The following NDUFA12 variants were observed in gnomAD, a reference collection of about 807,000 sequenced individuals.
NDUFA12 encodes the protein NADH dehydrogenase [ubiquinone] 1 alpha subcomplex subunit 12.
A neutral mutation model predicts 20.3 loss-of-function variants in NDUFA12; 17 were observed. The observed-to-expected ratio is 0.84, with a 90% CI of 0.57 to 1.26. The LOEUF is 1.26. Among genes scored for constraint, NDUFA12 ranks in the 50% most tolerant of loss-of-function variants. The pLI is 0.00. For missense variants in NDUFA12, 191 were observed against 183.7 expected, an observed-to-expected ratio of 1.04 and a Z score of -0.23; for synonymous variants, 72 against 63.6, an observed-to-expected ratio of 1.13 and a Z score of -0.63.
At position 94,979,392 on chromosome 12, in the gene NDUFA12, A is replaced by G. The variant is rs563833852; in HGVS notation, c.258-7772T>C. 2.0e-5 allele frequency among the ~76,000 whole-genome samples: 3 copies of G among 152,348 alleles called. No individual in the cohort carries two copies. In the South Asian group the frequency reaches 6.2e-4, roughly 32 times the overall value. On this transcript the variant is annotated intron_variant, in intron 3 of 3. Transcript: ENST00000327772. Reference sequence around the variant, plus strand: ...AATTCTCCAGATTTCCAAATTTTCTATAGCAATTGTATATTCTTATAATCA... The same window carrying G: ...AATTCTCCAGATTTCCAAATTTTCTGTAGCAATTGTATATTCTTATAATCA...
chr12:94,971,588 G>A lies in NDUFA12; in HGVS notation c.290C>T (p.Pro97Leu), dbSNP rs145916701. 1.9e-6 allele frequency: 3 copies of A among 1,613,998 alleles called. No individual in the cohort carries two copies. The highest frequency in any genetic ancestry group is 2.7e-5 in the African/African-American group (2 of 74,892). Residue 97 changes from proline to leucine, a missense_variant, in exon 4 of 4, where the codon CCT (proline) becomes CTT (leucine). By Grantham distance (98) the Pro-to-Leu change is moderately conservative. Transcript: ENST00000327772. ...HRWLHSMTDDPPTTKPLTARK... is the reference protein window; with the variant it reads ...HRWLHSMTDDLPTTKPLTARK... ...AGCAGTAAGTGGTTTTGTTGTTGGA[G>A]GATCATCAGTCATACTGTGAAGCCA... is the stretch of plus-strand genomic sequence containing the variant.
chr12:94,987,408 G>C (rs1874480868), intron 3 of NDUFA12, among the ~76,000 whole-genome samples: 1 of 152,142 alleles, frequency 6.6e-6, no homozygotes, highest in Non-Finnish European at 1.5e-5. Context: ...GACACTGTTG[G>C]GACAACTGAC....
chr12:94,973,758 A>G (rs190088598), intron 3 of NDUFA12, among the ~76,000 whole-genome samples: 1 of 152,274 alleles, frequency 6.6e-6, no homozygotes, highest in African/African-American at 2.4e-5. Context: ...TTATCCTAGC[A>G]AGCCTACATG....
chr12:94,994,096 C>A, intron 3 of NDUFA12, 74 bp downstream of exon 3: 1 of 1,350,522 alleles, frequency 7.4e-7, no homozygotes. Context: ...TGCACTCCAG[C>A]CTGGGTGACA....
At chr12:94,985,160 A>T (rs192161552) in intron 3 of NDUFA12, among the ~76,000 whole-genome samples, 2 of 151,970 alleles carry the variant, frequency 1.3e-5, no homozygotes, top group Admixed American at 1.3e-4. Flanking sequence ...GTGTTTTTAT[A>T]AAAAAAATTT....
rs1401758723 is a variant in NDUFA12, at chr12:94,978,668, T to C, written c.258-7048A>G. Among the ~76,000 whole-genome samples the C allele has an allele frequency of 6.6e-5, 10 of 152,190 alleles. 1 individual carries two copies. Among genetic ancestry groups the C allele is most frequent in the Admixed American group, 3.9e-4 (6 of 15,282 alleles). ...ACAATGTAATCCTTTCCATTAGAGTTTACCGAACATTCATCAAAGAACAAG... is the reference window on the plus strand; with the variant it reads ...ACAATGTAATCCTTTCCATTAGAGTCTACCGAACATTCATCAAAGAACAAG... On this transcript the variant is annotated intron_variant, in intron 3 of 3. Transcript: ENST00000327772.
In NDUFA12 at chr12:94,971,557, T is replaced by C; in HGVS notation, c.321A>G (p.Lys107=). 6.2e-7 allele frequency: 1 copy of C among 1,614,200 alleles called. No homozygotes were observed. Among genetic ancestry groups the C allele is most frequent in the Non-Finnish European group, 8.5e-7 (1 of 1,180,030 alleles). Residue 107 remains lysine (K), a synonymous_variant, in exon 4 of 4, where the codon AAA becomes AAG. Transcript: ENST00000327772. ...TGAATTTATGGTTCGTCCAAATGAA[T>C]TTACGAGCAGTAAGTGGTTTTGTTG... ...PPTTKPLTAR[K]FIWTNHKFNV...
chr12:94,982,688 C>T (rs933897), intron 3 of NDUFA12, among the ~76,000 whole-genome samples: 70,345 of 151,934 alleles, frequency 0.46, 17,109 homozygotes, highest in African/African-American at 0.6. Context: ...CCAGAGCCAA[C>T]GTCTCTAGTA....
intron 2 of NDUFA12, among the ~76,000 whole-genome samples, chr12:94,999,598 C>G (rs1012345725): frequency 1.3e-5 from 2 of 152,070 alleles, no homozygotes; most frequent in Non-Finnish European, 2.9e-5. Flanking sequence ...GACTAATATC[C>G]AGAAACTACA....
intron 2 of NDUFA12, 132 bp from the exon 3 acceptor site, chr12:94,994,389 A>G: frequency 2.9e-6 from 2 of 684,292 alleles, no homozygotes; most frequent in Non-Finnish European, 4.9e-6. Flanking sequence ...TATTGGAGGA[A>G]TAACACCCTG....
chr12:94,993,310 G>A (rs183556111), intron 3 of NDUFA12, among the ~76,000 whole-genome samples: 1 of 84,434 alleles, frequency 1.2e-5, no homozygotes, highest in Non-Finnish European at 2.9e-5. Context: ...GCAACATGGC[G>A]AAATCGCATT....
At chr12:94,977,013 T>A (rs138760967) in intron 3 of NDUFA12, among the ~76,000 whole-genome samples, 32 of 152,300 alleles carry the variant, frequency 2.1e-4, no homozygotes, top group African/African-American at 7.5e-4. Context: ...AGAAAGGGTA[T>A]AAAGAAAAGT....
chr12:94,991,800 T>C (rs1353745646), intron 3 of NDUFA12, among the ~76,000 whole-genome samples: 2 of 150,730 alleles, frequency 1.3e-5, no homozygotes, highest in African/African-American at 2.4e-5. Flanking sequence ...TGAAAAATCA[T>C]CCAGAAACCC....
chr12:95,002,368 G>A (rs1166998140), intron 2 of NDUFA12, among the ~76,000 whole-genome samples: 1 of 148,740 alleles, frequency 6.7e-6, no homozygotes. Context: ...CTGGAACCCA[G>A]GAGGTGGAGG....
At position 94,993,912 on chromosome 12, in the gene NDUFA12, C is replaced by T. The variant is rs374068090; in HGVS notation, c.257+258G>A. Among the ~76,000 whole-genome samples, 21 of 151,340 alleles carry T rather than the reference C, an allele frequency of 1.4e-4. No homozygotes were observed. The South Asian group carries it at 1.5e-3, about 11-fold the overall frequency. On this transcript the variant is annotated intron_variant, in intron 3 of 3. Coordinates refer to ENST00000327772, the MANE Select transcript of NDUFA12 (RefSeq NM_018838.5). ...TTGTACCACTGCACTCCAGCCTGGG[C>T]GACAGAATGAGACTCTGTCTCAAAA...
chr12:95,000,174 A>G (rs992092084), intron 2 of NDUFA12, among the ~76,000 whole-genome samples: 1 of 152,242 alleles, frequency 6.6e-6, no homozygotes, highest in African/African-American at 2.4e-5. Flanking sequence ...TGGCCTTTGC[A>G]GCAACTTGGA....
rs189386667 is a variant in NDUFA12 at position 94,990,456 on chromosome 12, T to C, written c.257+3714A>G. 1.0e-3 allele frequency among the ~76,000 whole-genome samples: 159 copies of C among 152,238 alleles called. 1 individual carries two copies. The highest frequency in any genetic ancestry group is 3.7e-3 in the African/African-American group (154 of 41,528). ...TTTTTATTCAGAGACAGGGTTTCAC[T>C]CTGTCACCCACGCTGGAGTACAGTG... On this transcript the variant is annotated intron_variant, in intron 3 of 3. Transcript: ENST00000327772.
At chr12:94,989,700 C>T (rs1180352775) in intron 3 of NDUFA12, among the ~76,000 whole-genome samples, 29 of 152,254 alleles carry the variant, frequency 1.9e-4, no homozygotes, top group Admixed American at 1.6e-3. Flanking sequence ...TGATCTTCTA[C>T]AGCTCTTAGC....
chr12:94,980,072 C>G (rs1310641156), intron 3 of NDUFA12, among the ~76,000 whole-genome samples: 3 of 152,128 alleles, frequency 2.0e-5, no homozygotes, highest in African/African-American at 7.2e-5. Flanking sequence ...ACGAGGCTTC[C>G]CTGGCTGAAA....
Sources: allele counts gnomAD v4.1 joint callset (sites outside exome capture counted in the v4.1 genomes callset), GRCh38; gene constraint gnomAD v4.1.1; transcripts MANE v1.5; gene names NCBI Gene and HGNC (gene_info 2026-07-23, HGNC 2026-07-21).